GSR: variants seen among roughly 807,000 people sequenced by gnomAD.
GSR encodes glutathione-disulfide reductase.
A neutral mutation model predicts 56.5 loss-of-function variants in GSR; 48 were observed. That is an observed-to-expected ratio of 0.85 (90% CI 0.67 to 1.08). The LOEUF (loss-of-function observed/expected upper bound fraction) is 1.08, where lower values mean the gene tolerates loss of function less well. GSR is among the 50% of genes least tolerant of loss of function. GSR has a pLI of 0.00. For synonymous variants in GSR, 264 were observed against 270.8 expected, an observed-to-expected ratio of 0.97 and a Z score of 0.25; for missense variants, 694 against 703.3, an observed-to-expected ratio of 0.99 and a Z score of 0.15.
intron 10 of GSR, 46 bp downstream of exon 10, chr8:30,684,042 A>G: frequency 1.0e-6 from 1 of 952,916 alleles, no homozygotes. Flanking sequence ...CAGATGGATC[A>G]TGTAACACGC....
chr8:30,696,521 T>C (rs760149430), intron 6 of GSR, 42 bp from the exon 7 acceptor site: 1 of 1,320,468 alleles, frequency 7.6e-7, no homozygotes, highest in African/African-American at 1.4e-5. Context: ...AATAAACTAA[T>C]TTTGGAATAA....
intron 8 of GSR, among the ~76,000 whole-genome samples, chr8:30,691,180 A>G (rs117855839): frequency 0.011 from 1,601 of 152,226 alleles, 12 homozygotes; most frequent in Non-Finnish European, 0.017. Flanking sequence ...GCCTGCCAAC[A>G]TGGTGAAACC....
intron 1 of GSR, among the ~76,000 whole-genome samples, chr8:30,719,418 T>G (rs1804454877): frequency 6.6e-6 from 1 of 151,896 alleles, no homozygotes; most frequent in Middle Eastern, 3.4e-3. Flanking sequence ...GCCTGGCCAA[T>G]TTTTGAATTT....
At chr8:30,725,356 T>G (rs886214653) in intron 1 of GSR, among the ~76,000 whole-genome samples, 12 of 150,992 alleles carry the variant, frequency 7.9e-5, no homozygotes, top group Non-Finnish European at 1.8e-4. Flanking sequence ...GAGGCTGAGG[T>G]GAGCGGATCA....
At chr8:30,690,028 TTA>T (rs1803318766) in intron 8 of GSR, among the ~76,000 whole-genome samples, 1 of 142,652 alleles carries the variant, frequency 7.0e-6, no homozygotes. Flanking sequence ...ATACGTATAT[TTA>T]TATATGTATA....
At chr8:30,698,092 C>A (rs1803611652) in intron 6 of GSR, among the ~76,000 whole-genome samples, 1 of 152,170 alleles carries the variant, frequency 6.6e-6, no homozygotes, top group Non-Finnish European at 1.5e-5. Flanking sequence ...AAGGTTCATG[C>A]TCCATCCAAA....
chr8:30,703,100 C>A lies in GSR; in HGVS notation c.633G>T (p.Gln211His), dbSNP rs759328949. The A allele has an allele frequency of 1.9e-6, 3 of 1,614,104 alleles. No individual in the cohort carries two copies. Among genetic ancestry groups the A allele is most frequent in the South Asian group, 2.2e-5 (2 of 91,078 alleles). The change falls in exon 5 of 13, where the codon CAG (glutamine) becomes CAT (histidine). Residue 211 changes from glutamine to histidine, a missense_variant. Gln to His is a conservative substitution (Grantham distance 24, BLOSUM62 0). Coordinates refer to ENST00000221130, the MANE Select transcript of GSR (RefSeq NM_000637.5). ...ACCTGTTGTATGACTCACCGGGGAT[C>A]TGGCTCTCATGAGGGGTGGAGGGCA... The part of the protein sequence containing the change: ...GGMPSTPHES[Q>H]IPGASLGITS...
chr8:30,682,834 A>AT (rs749804906), intron 10 of GSR, among the ~76,000 whole-genome samples: 63 of 144,830 alleles, frequency 4.3e-4, no homozygotes, highest in East Asian at 6.0e-4. Context: ...TTATATTATT[A>AT]TTTTTTTTTT....
chr8:30,686,997 T>C (rs2956006), intron 9 of GSR, among the ~76,000 whole-genome samples: 86,896 of 151,370 alleles, frequency 0.57, 24,965 homozygotes, highest in Middle Eastern at 0.67. Flanking sequence ...TCACCATGCC[T>C]GGCTAATTTT....
chr8:30,699,992 A>C, intron 6 of GSR, 89 bp downstream of exon 6: 2 of 926,520 alleles, frequency 2.2e-6, no homozygotes, highest in Non-Finnish European at 3.6e-6. Context: ...AAAGGCCTAC[A>C]TTAAATGCTT....
At chr8:30,681,540 A>C (rs1329286008) in intron 11 of GSR, among the ~76,000 whole-genome samples, 1 of 152,136 alleles carries the variant, frequency 6.6e-6, no homozygotes, top group African/African-American at 2.4e-5. Context: ...GAAAAAAAAA[A>C]AGAAAATGAT....
At position 30,679,020 on chromosome 8, in the gene GSR, G is replaced by A. The variant is rs756558112; in HGVS notation, c.*500C>T. ...CAAAATTAGTCAGGCATGGTGGTGC[G>A]TGCCTGTAATTCCAGCTATTCGGGA... On this transcript the variant is annotated 3_prime_UTR_variant, in exon 13 of 13. Coordinates refer to ENST00000221130, the MANE Select transcript of GSR (RefSeq NM_000637.5). The A allele has an allele frequency of 3.2e-5, 5 of 158,586 alleles. No homozygotes were observed. The highest frequency in any genetic ancestry group is 5.5e-5 in the Non-Finnish European group (4 of 72,538). 9.8% of individuals were successfully genotyped at this position (158,586 alleles called of 1,614,324 possible). A position where few individuals can be genotyped will look rare whatever the true frequency, so the allele number is the denominator to read the frequency against.
At chr8:30,719,838 TCA>T (rs1172121279) in intron 1 of GSR, among the ~76,000 whole-genome samples, 3 of 152,132 alleles carry the variant, frequency 2.0e-5, no homozygotes, top group African/African-American at 7.2e-5. Context: ...GGTAGAAACT[TCA>T]CATTGCCCAT....
At chr8:30,688,897 T>C (rs1230681505) in intron 9 of GSR, among the ~76,000 whole-genome samples, 1 of 151,716 alleles carries the variant, frequency 6.6e-6, no homozygotes, top group Non-Finnish European at 1.5e-5. Flanking sequence ...AACTCCAGCC[T>C]GGGTGACAGA....
At chr8:30,724,751 G>A (rs1165688536) in intron 1 of GSR, among the ~76,000 whole-genome samples, 2 of 152,060 alleles carry the variant, frequency 1.3e-5, no homozygotes, top group African/African-American at 4.8e-5. Flanking sequence ...GGCCAGGCTG[G>A]TCTCGAACTC....
intron 1 of GSR, among the ~76,000 whole-genome samples, chr8:30,718,649 G>A (rs545202994): frequency 6.6e-6 from 1 of 152,116 alleles, no homozygotes. Context: ...AGTTCTCAGG[G>A]CTCTGGTTGC....
intron 3 of GSR, among the ~76,000 whole-genome samples, chr8:30,708,752 C>A (rs1031697952): frequency 1.3e-5 from 2 of 150,948 alleles, no homozygotes; most frequent in African/African-American, 2.4e-5. Flanking sequence ...GTCAGAAGAT[C>A]GAGATCATTC....
intron 9 of GSR, among the ~76,000 whole-genome samples, chr8:30,686,843 T>G (rs937838153): frequency 6.6e-6 from 1 of 150,376 alleles, no homozygotes; most frequent in Non-Finnish European, 1.5e-5. Flanking sequence ...TTTTTTTGGT[T>G]TTTTTTTTTT....
At chr8:30,694,350 C>A (rs190121476) in intron 7 of GSR, among the ~76,000 whole-genome samples, 10 of 152,320 alleles carry the variant, frequency 6.6e-5, no homozygotes, top group Non-Finnish European at 1.2e-4. Flanking sequence ...CAGTCAGCTG[C>A]CCAGGCTAGA....
Sources: allele counts gnomAD v4.1 joint callset (sites outside exome capture counted in the v4.1 genomes callset), GRCh38; gene constraint gnomAD v4.1.1; transcripts MANE v1.5; gene names NCBI Gene and HGNC (gene_info 2026-07-23, HGNC 2026-07-21).